The following SORCS2 variants were observed in gnomAD, a reference collection of about 807,000 sequenced individuals.
SORCS2 encodes the protein VPS10 domain-containing receptor SorCS2.
A neutral mutation model predicts 141.6 loss-of-function variants in SORCS2; 100 were observed. The observed-to-expected ratio is 0.71, with a 90% confidence interval of 0.60 to 0.83. SORCS2 has a LOEUF of 0.83. Among genes scored for constraint, SORCS2 ranks in the 40% least tolerant of loss-of-function variants. SORCS2 has a pLI of 0.00. For synonymous variants in SORCS2, 789 were observed against 676.9 expected, an observed-to-expected ratio of 1.17 and a Z score of -2.57; for missense variants, 1,646 against 1,560.2, an observed-to-expected ratio of 1.05 and a Z score of -0.93.
intron 2 of SORCS2, among the ~76,000 whole-genome samples, chr4:7,525,904 C>T (rs1465621699): frequency 7.4e-6 from 1 of 135,408 alleles, no homozygotes; most frequent in African/African-American, 3.1e-5. Flanking sequence ...CCTGTCTCCT[C>T]CTGCAGTCAC....
intron 12 of SORCS2, among the ~76,000 whole-genome samples, chr4:7,698,973 G>A (rs543444967): frequency 7.9e-4 from 120 of 152,310 alleles, no homozygotes; most frequent in South Asian, 4.8e-3. Flanking sequence ...GCTTCCTATC[G>A]TGCCCAGGTT....
chr4:7,608,958 C>G (rs1718228549), intron 3 of SORCS2, among the ~76,000 whole-genome samples: 1 of 152,130 alleles, frequency 6.6e-6, no homozygotes. Context: ...TCATCCTTTC[C>G]AAAGTCACTT....
At chr4:7,284,424 G>A (rs963091997) in intron 1 of SORCS2, among the ~76,000 whole-genome samples, 7 of 152,214 alleles carry the variant, frequency 4.6e-5, no homozygotes, top group Admixed American at 1.3e-4. Flanking sequence ...ACAGCCTTCA[G>A]TACAGTGCCT....
intron 3 of SORCS2, among the ~76,000 whole-genome samples, chr4:7,587,277 G>A (rs2108768648): frequency 6.6e-6 from 1 of 152,306 alleles, no homozygotes; most frequent in South Asian, 2.1e-4. Context: ...CTTGCGCTAA[G>A]CCACAGCCTG....
intron 2 of SORCS2, among the ~76,000 whole-genome samples, chr4:7,424,677 C>G (rs1476211216): frequency 6.6e-6 from 1 of 152,210 alleles, no homozygotes; most frequent in African/African-American, 2.4e-5. Flanking sequence ...GCTCCCCAGC[C>G]CAGAGTCCCT....
intron 2 of SORCS2, among the ~76,000 whole-genome samples, chr4:7,444,894 C>T (rs1243770581): frequency 6.6e-6 from 1 of 152,242 alleles, no homozygotes; most frequent in Non-Finnish European, 1.5e-5. Context: ...AGAGAAGAGT[C>T]AGGAACACAC....
rs150634449 is a variant in SORCS2 at position 7,696,113 on chromosome 4, C to G, written c.1592-1085C>G. ...TTTAATTCATCTATTTGAGGACAAT[C>G]CATCTTCTTTGGAATTTTCCAGTGA... On this transcript the variant is annotated intron_variant, in intron 11 of 26. Transcript: ENST00000507866. Among the ~76,000 whole-genome samples the G allele has an allele frequency of 3.0e-3, 457 of 152,296 alleles. 1 individual carries two copies. Among genetic ancestry groups the G allele is most frequent in the African/African-American group, 0.01 (435 of 41,558 alleles).
At chr4:7,567,223 C>T (rs1442429292) in intron 3 of SORCS2, among the ~76,000 whole-genome samples, 1 of 152,188 alleles carries the variant, frequency 6.6e-6, no homozygotes, top group Non-Finnish European at 1.5e-5. Context: ...TTTGTCATGA[C>T]TAAGGAACCA....
At chr4:7,380,955 G>A (rs1391678649) in intron 1 of SORCS2, among the ~76,000 whole-genome samples, 3 of 151,800 alleles carry the variant, frequency 2.0e-5, no homozygotes, top group African/African-American at 7.3e-5. Context: ...GGTGGCAGGT[G>A]CCTGTAGTCC....
chr4:7,650,242 T>C (rs1199211387), intron 4 of SORCS2, among the ~76,000 whole-genome samples: 9 of 152,222 alleles, frequency 5.9e-5, no homozygotes, highest in African/African-American at 2.2e-4. Context: ...GAGGTATTGT[T>C]AGAAGCATCT....
chr4:7,276,061 G>A (rs1715479251), intron 1 of SORCS2, among the ~76,000 whole-genome samples: 2 of 152,214 alleles, frequency 1.3e-5, no homozygotes, highest in Non-Finnish European at 2.9e-5. Context: ...GTTTCTGCCA[G>A]TTACTGGAAG....
intron 2 of SORCS2, among the ~76,000 whole-genome samples, chr4:7,453,346 C>T (rs1286834740): frequency 7.9e-6 from 1 of 125,856 alleles, no homozygotes; most frequent in Admixed American, 8.5e-5. Flanking sequence ...GGGTCAGGCA[C>T]TGTGCTGGGG....
intron 1 of SORCS2, among the ~76,000 whole-genome samples, chr4:7,234,790 G>A (rs1309107807): frequency 2.0e-5 from 3 of 152,234 alleles, no homozygotes; most frequent in Admixed American, 6.5e-5. Flanking sequence ...AGCGCAGCCT[G>A]CCACCCTCTC....
At chr4:7,361,432 C>T (rs1721571819) in intron 1 of SORCS2, among the ~76,000 whole-genome samples, 1 of 152,194 alleles carries the variant, frequency 6.6e-6, no homozygotes, top group Non-Finnish European at 1.5e-5. Context: ...ATTAGCAGCT[C>T]CTCCTTGGGA....
At chr4:7,464,580 C>T (rs1729497059) in intron 2 of SORCS2, among the ~76,000 whole-genome samples, 1 of 152,090 alleles carries the variant, frequency 6.6e-6, no homozygotes, top group Admixed American at 6.5e-5. Context: ...TAGTCTAGAA[C>T]GGTGTGTGTT....
At position 7,629,029 on chromosome 4, in the gene SORCS2, C is replaced by G. The variant is rs886142335; in HGVS notation, c.649-9299C>G. On this transcript the variant is annotated intron_variant, in intron 3 of 26. Transcript: ENST00000507866. ...GAGACGGTGGCCTCGGAGCTACCAG[C>G]TGTGGGTTAGGAGGAGCTGGTCATC... 7.2e-5 allele frequency among the ~76,000 whole-genome samples: 11 copies of G among 152,242 alleles called. 1 individual carries two copies. The South Asian group carries it at 1.2e-3, about 17-fold the overall frequency.
At chr4:7,651,489 C>A (rs1369010982) in intron 4 of SORCS2, among the ~76,000 whole-genome samples, 1 of 152,212 alleles carries the variant, frequency 6.6e-6, no homozygotes, top group African/African-American at 2.4e-5. Flanking sequence ...CCGTTAATCT[C>A]CTCTGGAGTG....
At chr4:7,633,819 G>GT (rs1192841846) in intron 3 of SORCS2, among the ~76,000 whole-genome samples, 6 of 124,340 alleles carry the variant, frequency 4.8e-5, no homozygotes, top group Admixed American at 8.6e-5. Context: ...TTAACGGCCA[G>GT]CTCCGTGTCC....
intron 2 of SORCS2, chr4:7,434,796 C>G: frequency 2.5e-6 from 4 of 1,610,210 alleles, no homozygotes; most frequent in Non-Finnish European, 3.4e-6. Flanking sequence ...CCGTGGAGCC[C>G]TTTGCACACT....
Sources: allele counts gnomAD v4.1 joint callset (sites outside exome capture counted in the v4.1 genomes callset), GRCh38; gene constraint gnomAD v4.1.1; transcripts MANE v1.5; gene names NCBI Gene and HGNC (gene_info 2026-07-23, HGNC 2026-07-21).